The following DYRK3 variants were observed in gnomAD, a reference collection of about 807,000 sequenced individuals.
DYRK3 encodes dual specificity tyrosine phosphorylation regulated kinase 3, also known as dual specificity tyrosine-phosphorylation-regulated kinase 3.
A neutral mutation model predicts 40.8 loss-of-function variants in DYRK3; 30 were observed. That is an observed-to-expected ratio of 0.74 (90% confidence interval 0.55 to 1.00). The LOEUF (loss-of-function observed/expected upper bound fraction) is 1.00, where lower values mean the gene tolerates loss of function less well. DYRK3 is among the 50% of genes least tolerant of loss of function. DYRK3 has a pLI of 0.00. For synonymous variants in DYRK3, 272 were observed against 260.7 expected, an observed-to-expected ratio of 1.04 and a Z score of -0.42; for missense variants, 699 against 731.5, an observed-to-expected ratio of 0.96 and a Z score of 0.51.
In DYRK3 at chr1:206,636,980, A is replaced by G. The variant is rs782155671; in HGVS notation, c.78-670A>G. On this transcript the variant is annotated intron_variant, in intron 1 of 2. Transcript: ENST00000367109. ...AAGTGGAAAGAGAAGTAAATTCAAT[A>G]CATTTTATAATTTAGAGCATCCTTT... 13 of 1,583,702 alleles carry G rather than the reference A, an allele frequency of 8.2e-6. No individual in the cohort carries two copies. The South Asian group carries it at 1.3e-4, about 16-fold the overall frequency.
At chr1:206,638,271 T>A (rs1553418698) in intron 2 of DYRK3, among the ~76,000 whole-genome samples, 1 of 24,024 alleles carries the variant, frequency 4.2e-5, no homozygotes, top group Non-Finnish European at 1.1e-4. Flanking sequence ...GACACTTAGC[T>A]TTTTTTTTTT....
Position 206,651,010 on chromosome 1 carries a change from A to T in DYRK3, c.*2045A>T, listed in dbSNP as rs1328891343. On this transcript the variant is annotated 3_prime_UTR_variant, in exon 3 of 3. Transcript: ENST00000367109. ...GGCAATAAATATACAACTCCTTTAG[A>T]TCCCTCTAACTCCTGCTGAATTTTC... is the stretch of plus-strand genomic sequence containing the variant. 6.6e-6 allele frequency among the ~76,000 whole-genome samples: 1 copy of T among 152,186 alleles called. No individual in the cohort carries two copies. The highest frequency in any genetic ancestry group is 1.5e-5 in the Non-Finnish European group (1 of 68,036).
At chr1:206,636,742 A>G in intron 1 of DYRK3, 1 of 496,570 alleles carries the variant, frequency 2.0e-6, no homozygotes, top group Non-Finnish European at 3.6e-6. Context: ...ATAGTGTATC[A>G]TGTAAAATGA....
chr1:206,643,981 A>G (rs1671370659), intron 2 of DYRK3, among the ~76,000 whole-genome samples: 1 of 151,542 alleles, frequency 6.6e-6, no homozygotes, highest in Non-Finnish European at 1.5e-5. Context: ...TATTATCCAC[A>G]TCTTACAGAT....
rs142889967 is a variant in DYRK3, at chr1:206,646,479, T to TG, written c.190-908dup. On this transcript the variant is annotated intron_variant, in intron 2 of 2. Coordinates refer to ENST00000367109, the MANE Select transcript of DYRK3 (RefSeq NM_003582.4). ...AGTACTCCTTTATCAAGTAGGCTCTTGCTAGGGAAGAGTTTTATAAGTACC... is the reference window on the plus strand; with the variant it reads ...AGTACTCCTTTATCAAGTAGGCTCTTGGCTAGGGAAGAGTTTTATAAGTACC... Among the ~76,000 whole-genome samples the TG allele has an allele frequency of 9.0e-3, 1,369 of 152,256 alleles. 25 individuals are homozygous for TG. The highest frequency in any genetic ancestry group is 0.031 in the African/African-American group (1,308 of 41,548).
At chr1:206,640,490 G>C (rs991722590) in intron 2 of DYRK3, among the ~76,000 whole-genome samples, 20 of 151,824 alleles carry the variant, frequency 1.3e-4, no homozygotes, top group Non-Finnish European at 4.4e-5. Flanking sequence ...GAAAAGGTAG[G>C]GTTTTATATC....
chr1:206,654,045 C>A lies in DYRK3; in HGVS notation c.*5080C>A, dbSNP rs1279771681. Among the ~76,000 whole-genome samples, 2 of 152,214 alleles carry A rather than the reference C, an allele frequency of 1.3e-5. No homozygotes were observed. The highest frequency in any genetic ancestry group is 1.3e-4 in the Admixed American group (2 of 15,282). On this transcript the variant is annotated 3_prime_UTR_variant, in exon 3 of 3. Coordinates refer to ENST00000367109, the MANE Select transcript of DYRK3 (RefSeq NM_003582.4). ...CTGTTTTGCTTAATTCGTAACTAGGCATAATTAAAGTTAAATGCTAAATTT... is the reference window on the plus strand; with the variant it reads ...CTGTTTTGCTTAATTCGTAACTAGGAATAATTAAAGTTAAATGCTAAATTT...
At chr1:206,638,108 T>C (rs1671168783) in intron 2 of DYRK3, among the ~76,000 whole-genome samples, 1 of 152,122 alleles carries the variant, frequency 6.6e-6, no homozygotes, top group Non-Finnish European at 1.5e-5. Flanking sequence ...ACAGAAAACA[T>C]GTCAGAATTC....
chr1:206,648,593 G>A lies in DYRK3; in HGVS notation c.1395G>A (p.Val465=), dbSNP rs782522977. ...TTQADGRVVL[V]GGRSRRGKKR... ...AGGCAGATGGGAGGGTTGTGCTTGT[G>A]GGGGGTCGCTCACGTAGGGGTAAAA... Residue 465 remains valine (V), a synonymous_variant, in exon 3 of 3, where the codon GTG becomes GTA. Coordinates refer to ENST00000367109, the MANE Select transcript of DYRK3 (RefSeq NM_003582.4). 6.2e-7 allele frequency: 1 copy of A among 1,614,014 alleles called. No individual in the cohort carries two copies. The highest frequency in any genetic ancestry group is 1.1e-5 in the South Asian group (1 of 91,078).
chr1:206,638,305 C>G (rs371126576), intron 2 of DYRK3, among the ~76,000 whole-genome samples: 2 of 113,402 alleles, frequency 1.8e-5, no homozygotes, highest in South Asian at 5.9e-4. Context: ...GAGGTGGAGT[C>G]TCTCTCTGTC....
In DYRK3 at chr1:206,650,544, AAAC is replaced by A. The variant is rs1452472304; in HGVS notation, c.*1582_*1584del. 6.6e-6 allele frequency among the ~76,000 whole-genome samples: 1 copy of A among 152,244 alleles called. No homozygotes were observed. The highest frequency in any genetic ancestry group is 2.4e-5 in the African/African-American group (1 of 41,464). On this transcript the variant is annotated 3_prime_UTR_variant, in exon 3 of 3. Transcript: ENST00000367109. ...GCAACAGAGTGAGACTCTGTCTAAAAAACAAACCAAAAAAAGTGTGTTCTTTAA... is the reference window on the plus strand; with the variant it reads ...GCAACAGAGTGAGACTCTGTCTAAAAAAACCAAAAAAAGTGTGTTCTTTAA...
chr1:206,636,075 A>C (rs781988961), intron 1 of DYRK3: 39 of 1,523,258 alleles, frequency 2.6e-5, no homozygotes, highest in Non-Finnish European at 3.0e-5. Context: ...GGGATTACGA[A>C]AATCTAGGAC....
At chr1:206,642,941 T>A (rs1213610880) in intron 2 of DYRK3, among the ~76,000 whole-genome samples, 8 of 151,178 alleles carry the variant, frequency 5.3e-5, no homozygotes, top group Admixed American at 5.3e-4. Flanking sequence ...AATAAAAATA[T>A]AATAATAATA....
chr1:206,646,999 T>A (rs1671472799), intron 2 of DYRK3, among the ~76,000 whole-genome samples: 1 of 152,190 alleles, frequency 6.6e-6, no homozygotes, highest in African/African-American at 2.4e-5. Flanking sequence ...TAGTATGGGC[T>A]TGGCATAGTT....
chr1:206,635,933 C>T, intron 1 of DYRK3, 153 bp downstream of exon 1: 1 of 1,316,200 alleles, frequency 7.6e-7, no homozygotes, highest in Non-Finnish European at 9.7e-7. Flanking sequence ...GCCCCCACCT[C>T]CTCTCTATCA....
At chr1:206,638,957 G>A (rs188662459) in intron 2 of DYRK3, among the ~76,000 whole-genome samples, 1 of 138,662 alleles carries the variant, frequency 7.2e-6, no homozygotes, top group East Asian at 2.1e-4. Context: ...TCAGCTCATT[G>A]CAACCTCCAC....
intron 1 of DYRK3, among the ~76,000 whole-genome samples, 169 bp from the exon 2 acceptor site, chr1:206,637,480 AT>A (rs1183995733): frequency 1.1e-4 from 17 of 152,300 alleles, no homozygotes; most frequent in Middle Eastern, 3.4e-3. Flanking sequence ...CAAAAGTTGG[AT>A]TTCCTCTGTA....
intron 2 of DYRK3, among the ~76,000 whole-genome samples, chr1:206,640,706 A>G (rs567067504): frequency 6.6e-6 from 1 of 152,004 alleles, no homozygotes; most frequent in South Asian, 2.1e-4. Context: ...ACCCACCACC[A>G]CACCTGGCTA....
intron 2 of DYRK3, among the ~76,000 whole-genome samples, chr1:206,639,739 C>T (rs906940741): frequency 9.9e-5 from 15 of 151,974 alleles, no homozygotes; most frequent in East Asian, 5.8e-4. Flanking sequence ...GGATTACAGG[C>T]GCAAGCCACC....
Sources: allele counts gnomAD v4.1 joint callset (sites outside exome capture counted in the v4.1 genomes callset), GRCh38; gene constraint gnomAD v4.1.1; transcripts MANE v1.5; gene names NCBI Gene and HGNC (gene_info 2026-07-23, HGNC 2026-07-21).